Variants in ADAMTSL1 observed in about 807,000 individuals in gnomAD.
ADAMTSL1 encodes the protein ADAMTS-like protein 1.
ADAMTSL1 carries 126 observed loss-of-function variants against 201.8 expected under a neutral mutation model. That is an observed-to-expected ratio of 0.62 (90% confidence interval 0.54 to 0.72). The LOEUF (loss-of-function observed/expected upper bound fraction) is 0.72, where lower values mean the gene tolerates loss of function less well. Ranked by LOEUF, ADAMTSL1 falls within the 30% of genes least tolerant of loss-of-function variation. The probability of loss-of-function intolerance (pLI) is 0.00; values close to 1 mark genes in which losing one functional copy is unlikely to be tolerated. For synonymous variants in ADAMTSL1, 1,121 were observed against 903.4 expected (o/e 1.24, Z -4.32); for missense variants, 2,679 against 2,277.8 (o/e 1.18, Z -3.59).
chr9:18,586,328 T>C (rs1352207692), intron 4 of ADAMTSL1, among the ~76,000 whole-genome samples: 1 of 152,166 alleles, frequency 6.6e-6, no homozygotes, highest in Admixed American at 6.5e-5. Flanking sequence ...AGGAATGCAA[T>C]TCCATTTATA....
intron 27 of ADAMTSL1, among the ~76,000 whole-genome samples, chr9:18,906,103 C>T (rs1830296149): frequency 1.3e-5 from 2 of 152,176 alleles, no homozygotes; most frequent in African/African-American, 4.8e-5. Context: ...CTGGGCTTTT[C>T]TCTCTTAGTG....
chr9:18,372,418 T>C (rs796183727), intron 2 of ADAMTSL1, among the ~76,000 whole-genome samples: 4 of 152,284 alleles, frequency 2.6e-5, no homozygotes, highest in African/African-American at 9.6e-5. Flanking sequence ...ACTATCTCAT[T>C]TGATTGCCAT....
intron 2 of ADAMTSL1, among the ~76,000 whole-genome samples, chr9:18,164,264 C>T (rs894326285): frequency 2.0e-5 from 3 of 151,732 alleles, no homozygotes; most frequent in Admixed American, 6.6e-5. Flanking sequence ...GTTTTGCCAG[C>T]GAGTCTGAAC....
At chr9:18,101,090 T>C (rs947935946) in intron 1 of ADAMTSL1, among the ~76,000 whole-genome samples, 1 of 152,220 alleles carries the variant, frequency 6.6e-6, no homozygotes, top group Non-Finnish European at 1.5e-5. Context: ...TCTGTGTTGA[T>C]ACATTGTCTC....
chr9:18,176,295 G>C (rs10963498), intron 2 of ADAMTSL1, among the ~76,000 whole-genome samples: 24,707 of 151,908 alleles, frequency 0.16, 2,234 homozygotes, highest in East Asian at 0.24. Flanking sequence ...ATCTTAAGCA[G>C]GGTAAAAATA....
At chr9:18,622,907 T>G (rs1288575865) in intron 5 of ADAMTSL1, among the ~76,000 whole-genome samples, 2 of 152,228 alleles carry the variant, frequency 1.3e-5, no homozygotes, top group African/African-American at 4.8e-5. Context: ...TGTTTTTGTT[T>G]GTTTTTGACT....
At chr9:18,874,070 A>T (rs2131473347) in intron 23 of ADAMTSL1, among the ~76,000 whole-genome samples, 1 of 152,086 alleles carries the variant, frequency 6.6e-6, no homozygotes, top group African/African-American at 2.4e-5. Context: ...AAAGGAGTTG[A>T]GTTCTTGATT....
intron 2 of ADAMTSL1, among the ~76,000 whole-genome samples, chr9:18,321,738 A>C (rs945099092): frequency 6.6e-6 from 1 of 151,730 alleles, no homozygotes; most frequent in Non-Finnish European, 1.5e-5. Flanking sequence ...GCTTGCAGTC[A>C]GCCGAGATCA....
intron 2 of ADAMTSL1, among the ~76,000 whole-genome samples, chr9:18,313,094 T>C (rs987157923): frequency 6.6e-6 from 1 of 152,328 alleles, no homozygotes; most frequent in South Asian, 2.1e-4. Flanking sequence ...TGGAATGACA[T>C]GTGACTATTT....
chr9:18,229,241 A>G (rs1466278027), intron 2 of ADAMTSL1, among the ~76,000 whole-genome samples: 1 of 152,166 alleles, frequency 6.6e-6, no homozygotes, highest in African/African-American at 2.4e-5. Context: ...TCAACTGGTC[A>G]CTATTTAAGG....
chr9:18,616,415 C>G (rs1025034782), intron 4 of ADAMTSL1, among the ~76,000 whole-genome samples: 1 of 152,182 alleles, frequency 6.6e-6, no homozygotes, highest in Non-Finnish European at 1.5e-5. Flanking sequence ...TATGTATTTG[C>G]TCAGATGTTA....
At position 18,817,095 on chromosome 9, in the gene ADAMTSL1, T is replaced by C. The variant is rs1221633125; in HGVS notation, c.3806-14T>C. On this transcript the variant is annotated splice_polypyrimidine_tract_variant and intron_variant, in intron 20 of 28. Transcript: ENST00000380548. ...CACCACCAAGTAACATCTCATATTC[T>C]TTCTTATCTTCAGGAAAGCCACTAG... 1 of 1,608,608 alleles carries C rather than the reference T, an allele frequency of 6.2e-7. No individual in the cohort carries two copies.
At chr9:18,834,059 G>A (rs1200708645) in intron 23 of ADAMTSL1, among the ~76,000 whole-genome samples, 1 of 152,008 alleles carries the variant, frequency 6.6e-6, no homozygotes, top group Admixed American at 6.6e-5. Context: ...GTCTGTTTTT[G>A]TACCAGCACC....
chr9:18,892,510 T>A lies in ADAMTSL1; in HGVS notation c.4765T>A (p.Cys1589Ser). 6.2e-7 allele frequency: 1 copy of A among 1,603,676 alleles called. No homozygotes were observed. The change falls in exon 26 of 29, where the codon TGC becomes AGC. Residue 1589 changes from cysteine (C) to serine (S), a missense_variant. By Grantham distance (112) the Cys-to-Ser change is moderately radical. Transcript: ENST00000380548. ...CTCCACCCCTGTGTCCAATGACATGTGCACCCAGGTCGCCAAGCGGCCTGT... is the reference window on the plus strand; with the variant it reads ...CTCCACCCCTGTGTCCAATGACATGAGCACCCAGGTCGCCAAGCGGCCTGT... ...GISTPVSNDM[C>S]TQVAKRPVDT...
Position 18,139,041 on chromosome 9 carries a change from A to C in ADAMTSL1, c.88-24821A>C, listed in dbSNP as rs1311858876. On this transcript the variant is annotated intron_variant, in intron 1 of 29. Coordinates refer to the ADAMTSL1 transcript ENST00000680146. Reference sequence around the variant, plus strand: ...AGATTACCTCACCTGTTTTAATTTCATTTCTCTTGCCTAGATGATAAAGGG... The same window carrying C: ...AGATTACCTCACCTGTTTTAATTTCCTTTCTCTTGCCTAGATGATAAAGGG... 3.3e-5 allele frequency among the ~76,000 whole-genome samples: 5 copies of C among 152,054 alleles called. 1 individual carries two copies. The highest frequency in any genetic ancestry group is 2.0e-4 in the Admixed American group (3 of 15,246).
At chr9:18,640,757 A>G (rs754009046) in intron 7 of ADAMTSL1, among the ~76,000 whole-genome samples, 8 of 151,978 alleles carry the variant, frequency 5.3e-5, no homozygotes, top group Non-Finnish European at 1.0e-4. Context: ...GTCAGACTTC[A>G]TCCAAACTAT....
At chr9:18,752,931 C>G (rs942083580) in intron 15 of ADAMTSL1, among the ~76,000 whole-genome samples, 2 of 152,168 alleles carry the variant, frequency 1.3e-5, no homozygotes, top group Non-Finnish European at 2.9e-5. Flanking sequence ...CCTCTTTAAG[C>G]CCCACAATTC....
intron 1 of ADAMTSL1, among the ~76,000 whole-genome samples, chr9:17,920,513 G>A (rs1422559061): frequency 1.3e-5 from 2 of 152,154 alleles, no homozygotes; most frequent in African/African-American, 4.8e-5. Flanking sequence ...AGACTCCTAG[G>A]TTGAAAATAG....
At chr9:17,929,115 T>A (rs1826673279) in intron 1 of ADAMTSL1, among the ~76,000 whole-genome samples, 1 of 152,088 alleles carries the variant, frequency 6.6e-6, no homozygotes, top group African/African-American at 2.4e-5. Context: ...GAATAGGGGT[T>A]TCTAACCTTT....
Sources: gnomAD v4.1 joint callset for allele counts (sites outside exome capture counted in the v4.1 genomes callset) on GRCh38, gnomAD v4.1.1 for gene constraint, MANE v1.5 for transcripts, NCBI Gene and HGNC (gene_info 2026-07-23, HGNC 2026-07-21) for gene names.